Variants in PCDHGB1 observed in about 807,000 individuals in gnomAD.
PCDHGB1 encodes the protein protocadherin gamma subfamily B, 1.
A neutral mutation model predicts 56.6 loss-of-function variants in PCDHGB1; 34 were observed. The ratio of observed to expected loss-of-function variants is 0.60; its 90% CI spans 0.46 to 0.80. PCDHGB1 has a LOEUF of 0.80. Among genes scored for constraint, PCDHGB1 ranks in the 30% least tolerant of loss-of-function variants. The pLI is 0.00. For synonymous variants in PCDHGB1, 561 were observed against 505.9 expected (o/e 1.11, Z -1.46); for missense variants, 1,278 against 1,204.6 (o/e 1.06, Z -0.90).
chr5:141,353,677 G>A (rs1285635415), intron 1 of PCDHGB1, among the ~76,000 whole-genome samples: 1 of 152,112 alleles, frequency 6.6e-6, no homozygotes, highest in African/African-American at 2.4e-5. Flanking sequence ...GAACATTTGG[G>A]TTTATAAAGC....
chr5:141,431,921 G>A lies in PCDHGB1; in HGVS notation c.2410-62886G>A. The A allele has an allele frequency of 1.9e-6, 3 of 1,614,142 alleles. No homozygotes were observed. Among genetic ancestry groups the A allele is most frequent in the South Asian group, 2.2e-5 (2 of 91,084 alleles). On this transcript the variant is annotated intron_variant, in intron 1 of 3. Transcript: ENST00000523390. The surrounding 1 kb of genome is among the most constrained non-coding windows in gnomAD (Gnocchi z 4.8). ...CGGACAGGTGATCTGTTTCATCCAA[G>A]GAAATCTGCCCTTTAAATTAGAAAA...
At chr5:141,478,500 T>G in intron 1 of PCDHGB1, 1 of 1,612,740 alleles carries the variant, frequency 6.2e-7, no homozygotes, top group Non-Finnish European at 8.5e-7. Flanking sequence ...TGTGATCCGG[T>G]GTTCTATAGG....
intron 1 of PCDHGB1, chr5:141,395,373 G>C: frequency 8.4e-7 from 1 of 1,189,414 alleles, no homozygotes; most frequent in Non-Finnish European, 1.1e-6. Context: ...TATTTTGGTG[G>C]TGTTACTATA....
At chr5:141,362,939 AG>A (rs1156531907) in intron 1 of PCDHGB1, among the ~76,000 whole-genome samples, 1 of 152,198 alleles carries the variant, frequency 6.6e-6, no homozygotes, top group Non-Finnish European at 1.5e-5. Flanking sequence ...TCTTCATTTT[AG>A]TAGGCTTTGG....
At chr5:141,464,870 C>G (rs1488189681) in intron 1 of PCDHGB1, among the ~76,000 whole-genome samples, 1 of 152,126 alleles carries the variant, frequency 6.6e-6, no homozygotes, top group Non-Finnish European at 1.5e-5. Flanking sequence ...TCCCAAGTAG[C>G]TAGGACTACA....
At chr5:141,410,739 A>G in intron 1 of PCDHGB1, 1 of 1,303,782 alleles carries the variant, frequency 7.7e-7, no homozygotes. Flanking sequence ...GCTTTTTACA[A>G]TATTTTCTCA....
chr5:141,403,121 C>A, intron 1 of PCDHGB1: 1 of 1,614,046 alleles, frequency 6.2e-7, no homozygotes, highest in Middle Eastern at 1.6e-4. Context: ...TCTGGAGCCC[C>A]GGGAGCTGGC....
chr5:141,430,720 T>G, intron 1 of PCDHGB1: 1 of 1,486,390 alleles, frequency 6.7e-7, no homozygotes, highest in East Asian at 2.4e-5. Flanking sequence ...ACTTCAGTGG[T>G]TAAGGGCAGA....
rs532830928 is a variant in PCDHGB1 at position 141,473,487 on chromosome 5, A to G, written c.2410-21320A>G. Reference sequence around the variant, plus strand: ...TTGTGCCAAGTTCAATGGAAAAAATATAAGGTGTTCTGAGAGAGCATAACA... The same window carrying G: ...TTGTGCCAAGTTCAATGGAAAAAATGTAAGGTGTTCTGAGAGAGCATAACA... On this transcript the variant is annotated intron_variant, in intron 1 of 3. Coordinates refer to ENST00000523390, the MANE Select transcript of PCDHGB1 (RefSeq NM_018922.3). 2.0e-3 allele frequency among the ~76,000 whole-genome samples: 310 copies of G among 152,242 alleles called. 5 individuals carry two copies. The South Asian group carries it at 0.052, about 25-fold the overall frequency.
Position 141,491,045 on chromosome 5 carries a change from A to G in PCDHGB1, c.2410-3762A>G, listed in dbSNP as rs1452139285. 2 of 1,613,970 alleles carry G rather than the reference A, an allele frequency of 1.2e-6. No individual in the cohort carries two copies. The highest frequency in any genetic ancestry group is 1.1e-5 in the South Asian group (1 of 91,090). On this transcript the variant is annotated intron_variant, in intron 1 of 3. Coordinates refer to ENST00000523390, the MANE Select transcript of PCDHGB1 (RefSeq NM_018922.3). This position sits in a 1 kb window ranked among gnomAD's most constrained non-coding sequence, Gnocchi z 6.9. ...GCCGTGGATGCTGATGCAGGCCACA[A>G]TGCGTGGCTCTCCTACTCACTGTTG...
chr5:141,406,390 ATTC>A (rs2094804697), intron 1 of PCDHGB1, among the ~76,000 whole-genome samples: 1 of 152,172 alleles, frequency 6.6e-6, no homozygotes, highest in Non-Finnish European at 1.5e-5. Flanking sequence ...AGGTAAATGT[ATTC>A]TTCTTAGAGA....
At chr5:141,372,803 G>A (rs539583252) in intron 1 of PCDHGB1, 71 of 1,593,016 alleles carry the variant, frequency 4.5e-5, no homozygotes, top group Non-Finnish European at 6.1e-5. Flanking sequence ...CAGGCAATTT[G>A]CAAAAGGTGA....
In PCDHGB1 at chr5:141,431,457, T is replaced by C; in HGVS notation, c.2410-63350T>C. ...ACCGCGCGCATCCGCGTGATGGTTC[T>C]GGATGCGAACGACAACGCACCAGCG... On this transcript the variant is annotated intron_variant, in intron 1 of 3. Transcript: ENST00000523390. This position sits in a 1 kb window ranked among gnomAD's most constrained non-coding sequence, Gnocchi z 4.8. 6.2e-7 allele frequency: 1 copy of C among 1,613,818 alleles called. No homozygotes were observed. Among genetic ancestry groups the C allele is most frequent in the South Asian group, 1.1e-5 (1 of 91,088 alleles).
At chr5:141,369,198 T>C (rs1466766598) in intron 1 of PCDHGB1, among the ~76,000 whole-genome samples, 1 of 152,172 alleles carries the variant, frequency 6.6e-6, no homozygotes, top group Non-Finnish European at 1.5e-5. Flanking sequence ...TATCAGATGG[T>C]AAACTGGGGA....
intron 1 of PCDHGB1, chr5:141,371,027 C>T (rs1393819856): frequency 6.2e-7 from 1 of 1,613,874 alleles, no homozygotes; most frequent in African/African-American, 1.3e-5. Context: ...ACCACCTGGT[C>T]CTCACAGCTG....
chr5:141,437,693 C>G (rs1305650032), intron 1 of PCDHGB1, among the ~76,000 whole-genome samples: 1 of 151,638 alleles, frequency 6.6e-6, no homozygotes, highest in African/African-American at 2.4e-5. Context: ...GAGGCTAAAT[C>G]TCAAGAAAGA....
At chr5:141,439,183 ACT>A (rs1255299140) in intron 1 of PCDHGB1, among the ~76,000 whole-genome samples, 3 of 145,262 alleles carry the variant, frequency 2.1e-5, no homozygotes, top group Non-Finnish European at 3.0e-5. Context: ...ACATAGTGAG[ACT>A]CTGACAAAAA....
At chr5:141,433,398 T>TCTAC (rs1487149690) in intron 1 of PCDHGB1, among the ~76,000 whole-genome samples, 2 of 151,396 alleles carry the variant, frequency 1.3e-5, no homozygotes, top group Non-Finnish European at 2.9e-5. Context: ...TATCTATCTA[T>TCTAC]CTATCTATTA....
intron 1 of PCDHGB1, chr5:141,391,730 G>T (rs1334378138): frequency 1.3e-5 from 2 of 152,140 alleles, no homozygotes; most frequent in African/African-American, 4.8e-5. Flanking sequence ...AGACTTTTTT[G>T]TAGTCATACT....
Sources: allele counts gnomAD v4.1 joint callset (sites outside exome capture counted in the v4.1 genomes callset), GRCh38; gene constraint gnomAD v4.1.1; non-coding constraint Gnocchi (gnomAD v3.1); transcripts MANE v1.5; gene names NCBI Gene and HGNC (gene_info 2026-07-23, HGNC 2026-07-21).